CD6: variants seen among roughly 807,000 people sequenced by gnomAD.
CD6 encodes T-cell differentiation antigen CD6.
CD6 carries 53 observed loss-of-function variants against 75.3 expected under a neutral mutation model. That is an observed-to-expected ratio of 0.70 (90% CI 0.56 to 0.88). CD6 has a LOEUF of 0.88. Ranked by LOEUF, CD6 falls within the 40% of genes least tolerant of loss-of-function variation. The pLI is 0.00. For synonymous variants in CD6, 359 were observed against 381.5 expected, an observed-to-expected ratio of 0.94 and a Z score of 0.69; for missense variants, 770 against 897.1, an observed-to-expected ratio of 0.86 and a Z score of 1.81.
chr11:60,985,545 C>T (rs1357575912), intron 1 of CD6, among the ~76,000 whole-genome samples: 1 of 150,660 alleles, frequency 6.6e-6, no homozygotes, highest in East Asian at 2.0e-4. Flanking sequence ...TATCATGTAT[C>T]TCAAACCAAT....
At chr11:61,002,926 G>A (rs1858660055) in intron 1 of CD6, among the ~76,000 whole-genome samples, 1 of 150,578 alleles carries the variant, frequency 6.6e-6, no homozygotes, top group Non-Finnish European at 1.5e-5. Context: ...ATCCGTTCAT[G>A]AAGGCAGACT....
chr11:61,011,284 G>T, intron 6 of CD6, 149 bp downstream of exon 6: 1 of 666,946 alleles, frequency 1.5e-6, no homozygotes, highest in East Asian at 2.8e-5. Context: ...GCCTCCCCGG[G>T]GCTCTCTGGG....
rs1322142837 is a variant in CD6 at position 61,012,526 on chromosome 11, CAG to C, written c.1151-896_1151-895del. 2.0e-5 allele frequency among the ~76,000 whole-genome samples: 3 copies of C among 152,124 alleles called. 1 individual carries two copies. In the South Asian group the frequency reaches 6.2e-4, roughly 32 times the overall value. ...AGACGGGGAGAGGAGAAAATGAAGA[CAG>C]GGAGAGGGTTCTCTCCCAGGGGAAG... is the stretch of plus-strand genomic sequence containing the variant. On this transcript the variant is annotated intron_variant, in intron 6 of 12. Coordinates refer to ENST00000313421, the MANE Select transcript of CD6 (RefSeq NM_006725.5).
chr11:61,003,897 G>T (rs568075680), intron 1 of CD6, among the ~76,000 whole-genome samples: 2 of 152,044 alleles, frequency 1.3e-5, no homozygotes, highest in Admixed American at 1.3e-4. Context: ...TTGGGATAGG[G>T]GATGGGAGAA....
intron 1 of CD6, among the ~76,000 whole-genome samples, chr11:60,984,802 C>T (rs1363944894): frequency 2.6e-5 from 4 of 152,116 alleles, no homozygotes; most frequent in Admixed American, 2.0e-4. Flanking sequence ...AGGACATTCC[C>T]GTCAGGGGGA....
At chr11:61,006,349 G>A (rs1858857046) in intron 1 of CD6, among the ~76,000 whole-genome samples, 1 of 152,196 alleles carries the variant, frequency 6.6e-6, no homozygotes, top group African/African-American at 2.4e-5. Flanking sequence ...CTGAAGCTGT[G>A]TGTGCAATGA....
rs1858904688 is a variant in CD6, at chr11:61,007,251, G to T, written c.119-309G>T. On this transcript the variant is annotated intron_variant, in intron 2 of 12. Coordinates refer to ENST00000313421, the MANE Select transcript of CD6 (RefSeq NM_006725.5). This position sits in a 1 kb window ranked among gnomAD's most constrained non-coding sequence, Gnocchi z 4.2. Reference sequence around the variant, plus strand: ...AACTCTGCCTTTCTTTCACAAACGGGTGCCCCTGGAGACAGGAGCAAGTGA... The same window carrying T: ...AACTCTGCCTTTCTTTCACAAACGGTTGCCCCTGGAGACAGGAGCAAGTGA... Among the ~76,000 whole-genome samples, 1 of 152,158 alleles carries T rather than the reference G, an allele frequency of 6.6e-6. No individual in the cohort carries two copies. The highest frequency in any genetic ancestry group is 1.5e-5 in the Non-Finnish European group (1 of 68,026).
intron 1 of CD6, among the ~76,000 whole-genome samples, chr11:61,000,756 C>T (rs529012260): frequency 5.9e-5 from 9 of 152,184 alleles, no homozygotes; most frequent in Non-Finnish European, 7.3e-5. Flanking sequence ...TGTCCCGTTC[C>T]GTTTTCTCAA....
chr11:61,008,487 C>A, intron 3 of CD6, 47 bp from the exon 4 acceptor site: 1 of 1,497,222 alleles, frequency 6.7e-7, no homozygotes, highest in Non-Finnish European at 9.0e-7. Flanking sequence ...CCAACCCTCC[C>A]TTCCTGGTCG....
chr11:61,008,289 T>C, intron 3 of CD6: 1 of 532,236 alleles, frequency 1.9e-6, no homozygotes, highest in Non-Finnish European at 3.3e-6. Context: ...CTAAGCGCTG[T>C]GGCTCCCAGG....
chr11:61,007,105 C>T lies in CD6; in HGVS notation c.119-455C>T, dbSNP rs921212174. Reference sequence around the variant, plus strand: ...GCCCATCATCAACCCCATGGCCAGCCGCTTCACAATCCTCCAAGGTTCCCT... The same window carrying T: ...GCCCATCATCAACCCCATGGCCAGCTGCTTCACAATCCTCCAAGGTTCCCT... On this transcript the variant is annotated intron_variant, in intron 2 of 12. Coordinates refer to ENST00000313421, the MANE Select transcript of CD6 (RefSeq NM_006725.5). The surrounding 1 kb of genome is among the most constrained non-coding windows in gnomAD (Gnocchi z 4.2). 7.2e-5 allele frequency among the ~76,000 whole-genome samples: 11 copies of T among 152,196 alleles called. No individual in the cohort carries two copies. The highest frequency in any genetic ancestry group is 1.6e-4 in the Non-Finnish European group (11 of 68,006).
At chr11:60,994,422 C>T (rs898344834) in intron 1 of CD6, among the ~76,000 whole-genome samples, 3 of 131,162 alleles carry the variant, frequency 2.3e-5, no homozygotes, top group East Asian at 5.0e-4. Flanking sequence ...GCCTGGGCAA[C>T]AGAGTGAGAC....
chr11:60,994,109 A>T (rs1482329660), intron 1 of CD6, among the ~76,000 whole-genome samples: 5 of 152,204 alleles, frequency 3.3e-5, no homozygotes, highest in African/African-American at 1.2e-4. Flanking sequence ...GGTGAACATC[A>T]TCTGTCCTGT....
In CD6 at chr11:61,009,893, C is replaced by G. The variant is rs1232333505; in HGVS notation, c.1084+19C>G. 1 of 1,518,020 alleles carries G rather than the reference C, an allele frequency of 6.6e-7. No individual in the cohort carries two copies. The highest frequency in any genetic ancestry group is 8.8e-7 in the Non-Finnish European group (1 of 1,133,312). 94.0% of individuals were successfully genotyped at this position (1,518,020 alleles called of 1,614,324 possible). On this transcript the variant is annotated intron_variant, in intron 5 of 12. Transcript: ENST00000313421. ...TGCTCAGGTACCCCATCCTACTCCA[C>G]CCCCCCAGATTTGAGCCAGAATTCT... is the stretch of plus-strand genomic sequence containing the variant.
chr11:61,010,938 A>T, intron 5 of CD6, 132 bp from the exon 6 acceptor site: 1 of 746,292 alleles, frequency 1.3e-6, no homozygotes, highest in Non-Finnish European at 2.3e-6. Flanking sequence ...TTCCTTAGCC[A>T]CGTGTCCCTG....
intron 1 of CD6, among the ~76,000 whole-genome samples, chr11:60,992,182 T>C (rs61702264): frequency 0.07 from 10,646 of 151,798 alleles, 515 homozygotes; most frequent in African/African-American, 0.13. Context: ...CCCAGCCTCA[T>C]TTTTTTATTT....
At chr11:60,973,702 C>G (rs1857270838) in intron 1 of CD6, among the ~76,000 whole-genome samples, 1 of 152,142 alleles carries the variant, frequency 6.6e-6, no homozygotes, top group Non-Finnish European at 1.5e-5. Flanking sequence ...GGCCTCCTAG[C>G]TCTAGCAGGT....
rs775726454 is a variant in CD6, at chr11:61,015,802, G to A, written c.1477G>A (p.Ala493Thr). ...DSDYEHYDFSAQPPVALTTFY... is the reference protein window; with the variant it reads ...DSDYEHYDFSTQPPVALTTFY... ...AGACTATGAGCACTATGACTTCAGC[G>A]CCCAGCCTCCTGTGGCCCTGACCAC... The change falls in exon 9 of 13, where the codon GCC becomes ACC. Residue 493 changes from alanine (A) to threonine (T), a missense_variant. Ala to Thr is a moderately conservative substitution (Grantham distance 58, BLOSUM62 0). Transcript: ENST00000313421. The A allele has an allele frequency of 1.7e-5, 28 of 1,614,006 alleles. No homozygotes were observed. The highest frequency in any genetic ancestry group is 2.2e-5 in the East Asian group (1 of 44,898).
At chr11:61,019,212 A>G in intron 12 of CD6, 42 bp from the exon 13 acceptor site, 1 of 1,513,662 alleles carries the variant, frequency 6.6e-7, no homozygotes, top group South Asian at 1.1e-5. Flanking sequence ...GCAGCAGGGC[A>G]ATGACTGGGT....
Sources: allele counts gnomAD v4.1 joint callset (sites outside exome capture counted in the v4.1 genomes callset), GRCh38; gene constraint gnomAD v4.1.1; non-coding constraint Gnocchi (gnomAD v3.1); transcripts MANE v1.5; gene names NCBI Gene and HGNC (gene_info 2026-07-23, HGNC 2026-07-21).